CNTNAP2: variants seen among roughly 807,000 people sequenced by gnomAD.
The protein encoded by CNTNAP2 is contactin associated protein 2.
In CNTNAP2, 98 loss-of-function variants were observed where a neutral mutation model predicts 155.2. The ratio of observed to expected loss-of-function variants is 0.63; its 90% CI spans 0.54 to 0.75. The LOEUF (loss-of-function observed/expected upper bound fraction) is 0.75. CNTNAP2 is among the 30% of genes least tolerant of loss of function. The pLI is 0.00. For missense variants in CNTNAP2, 1,727 were observed against 1,688.1 expected, an observed-to-expected ratio of 1.02 and a Z score of -0.40; for synonymous variants, 651 against 631.2, an observed-to-expected ratio of 1.03 and a Z score of -0.47.
intron 13 of CNTNAP2, among the ~76,000 whole-genome samples, chr7:147,803,170 A>C (rs1008802063): frequency 6.6e-6 from 1 of 152,336 alleles, no homozygotes; most frequent in Admixed American, 6.5e-5. Context: ...ATTTAAAAAC[A>C]CCCTTTAGAA....
chr7:146,805,118 GA>G (rs1585098562), intron 2 of CNTNAP2, among the ~76,000 whole-genome samples: 2 of 152,160 alleles, frequency 1.3e-5, no homozygotes, highest in East Asian at 3.9e-4. Flanking sequence ...TCTCAGTAAA[GA>G]AAGGAATCAT....
Position 147,098,933 on chromosome 7 carries a change from C to T in CNTNAP2, c.551-9214C>T, listed in dbSNP as rs531197045. ...ATTATTACTTTATTAAAATACATGA[C>T]ATTTATTTACTTTATTACTTTTATT... On this transcript the variant is annotated intron_variant, in intron 4 of 23. Coordinates refer to ENST00000361727, the MANE Select transcript of CNTNAP2 (RefSeq NM_014141.6). Among the ~76,000 whole-genome samples the T allele has an allele frequency of 1.1e-4, 17 of 152,140 alleles. No homozygotes were observed. In the South Asian group the frequency reaches 2.9e-3, roughly 26 times the overall value.
intron 3 of CNTNAP2, among the ~76,000 whole-genome samples, chr7:146,896,746 G>C (rs1464514156): frequency 6.6e-6 from 1 of 151,862 alleles, no homozygotes; most frequent in Non-Finnish European, 1.5e-5. Context: ...AAATAATTCT[G>C]ATAATTAGTT....
chr7:146,186,628 TA>T (rs1257024168), intron 1 of CNTNAP2, among the ~76,000 whole-genome samples: 1 of 152,190 alleles, frequency 6.6e-6, no homozygotes, highest in African/African-American at 2.4e-5. Context: ...CTGTTGCCTT[TA>T]TATATGAATG....
chr7:146,438,449 G>A (rs1344087465), intron 1 of CNTNAP2, among the ~76,000 whole-genome samples: 1 of 151,442 alleles, frequency 6.6e-6, no homozygotes, highest in Non-Finnish European at 1.5e-5. Flanking sequence ...TACTGGATAA[G>A]AGAGTAAGTC....
chr7:146,767,967 T>A (rs1488213805), intron 1 of CNTNAP2, among the ~76,000 whole-genome samples: 1 of 152,146 alleles, frequency 6.6e-6, no homozygotes, highest in Non-Finnish European at 1.5e-5. Context: ...CACCAAAAAG[T>A]ATTAATTATA....
chr7:148,138,570 A>G (rs185521822), intron 16 of CNTNAP2, among the ~76,000 whole-genome samples: 3 of 152,152 alleles, frequency 2.0e-5, no homozygotes, highest in Admixed American at 6.5e-5. Context: ...CGGAAGAAAC[A>G]CTTCTTTGAA....
At chr7:147,366,709 C>A (rs952471919) in intron 9 of CNTNAP2, among the ~76,000 whole-genome samples, 2 of 151,684 alleles carry the variant, frequency 1.3e-5, no homozygotes, top group Non-Finnish European at 1.5e-5. Context: ...TGTTCAGTAT[C>A]TTTTGATATC....
At chr7:146,957,319 G>A (rs922613544) in intron 3 of CNTNAP2, among the ~76,000 whole-genome samples, 2 of 152,036 alleles carry the variant, frequency 1.3e-5, no homozygotes, top group Admixed American at 6.6e-5. Context: ...ACTTCACCAG[G>A]TGATAGAAAT....
chr7:148,401,537 C>T (rs1328131259), intron 22 of CNTNAP2, among the ~76,000 whole-genome samples: 6 of 152,070 alleles, frequency 3.9e-5, no homozygotes, highest in African/African-American at 1.4e-4. Context: ...AAATACCTTA[C>T]CTTCGTGTTT....
chr7:146,516,851 A>C (rs1315149039), intron 1 of CNTNAP2, among the ~76,000 whole-genome samples: 1 of 151,982 alleles, frequency 6.6e-6, no homozygotes, highest in African/African-American at 2.4e-5. Flanking sequence ...ACAGTGCCCC[A>C]AAACGAAACT....
chr7:146,568,563 C>T (rs1374900817), intron 1 of CNTNAP2, among the ~76,000 whole-genome samples: 1 of 152,154 alleles, frequency 6.6e-6, no homozygotes, highest in Non-Finnish European at 1.5e-5. Context: ...ATGTTCTACT[C>T]TAAATTATGC....
At chr7:148,291,295 TATAATATATATATATATAAA>T (rs112392604) in intron 21 of CNTNAP2, among the ~76,000 whole-genome samples, 22,279 of 98,288 alleles carry the variant, frequency 0.23, 2,021 homozygotes, top group African/African-American at 0.33. Context: ...GGAATATATA[TATAATATATATATATATAAA>T]ATATGGAATT....
intron 2 of CNTNAP2, among the ~76,000 whole-genome samples, chr7:146,793,638 C>T (rs1802717204): frequency 6.6e-6 from 1 of 152,218 alleles, no homozygotes; most frequent in African/African-American, 2.4e-5. Flanking sequence ...TGTTCCTTGA[C>T]ATTGGAAAAC....
chr7:147,284,171 C>T (rs10234386), intron 8 of CNTNAP2, among the ~76,000 whole-genome samples: 71,829 of 150,680 alleles, frequency 0.48, 17,797 homozygotes, highest in East Asian at 0.76. Flanking sequence ...GTGTTTTTTT[C>T]CCCCCAAATC....
Position 146,366,664 on chromosome 7 carries a change from C to A in CNTNAP2, c.97+249691C>A, listed in dbSNP as rs1471534194. On this transcript the variant is annotated intron_variant, in intron 1 of 23. Coordinates refer to ENST00000361727, the MANE Select transcript of CNTNAP2 (RefSeq NM_014141.6). ...GCTTGTCCATCCATCAAGGGCTCCA[C>A]CTGTCTTGGAGATATTGTCCATCAT... Among the ~76,000 whole-genome samples the A allele has an allele frequency of 3.3e-5, 5 of 152,240 alleles. No homozygotes were observed. In the East Asian group the frequency reaches 9.6e-4, roughly 29 times the overall value.
At chr7:147,851,452 G>T (rs370577103) in intron 13 of CNTNAP2, among the ~76,000 whole-genome samples, 6,696 of 152,042 alleles carry the variant, frequency 0.044, 262 homozygotes, top group Admixed American at 0.12. Flanking sequence ...AAATCATGCT[G>T]CTATAAAGAC....
chr7:147,222,538 C>A (rs540157177), intron 8 of CNTNAP2, among the ~76,000 whole-genome samples: 18 of 152,292 alleles, frequency 1.2e-4, no homozygotes, highest in South Asian at 4.1e-4. Context: ...GTTTTAAATT[C>A]CGTGTCTGAT....
At chr7:146,571,880 C>T (rs945165907) in intron 1 of CNTNAP2, among the ~76,000 whole-genome samples, 3 of 151,892 alleles carry the variant, frequency 2.0e-5, no homozygotes, top group Non-Finnish European at 4.4e-5. Flanking sequence ...TACAGGCGCC[C>T]GCCACCACAC....
Sources: allele counts gnomAD v4.1 joint callset (sites outside exome capture counted in the v4.1 genomes callset), GRCh38; gene constraint gnomAD v4.1.1; transcripts MANE v1.5; gene names NCBI Gene and HGNC (gene_info 2026-07-23, HGNC 2026-07-21).